ACSM1: variants seen among roughly 807,000 people sequenced by gnomAD.
The protein encoded by ACSM1 is acyl-CoA synthetase medium chain family member 1, also known as acyl-coenzyme A synthetase ACSM1, mitochondrial.
ACSM1 carries 79 observed loss-of-function variants against 75.8 expected under a neutral mutation model. The observed-to-expected ratio is 1.04, with a 90% CI of 0.87 to 1.26. The LOEUF (loss-of-function observed/expected upper bound fraction) is 1.26, where lower values mean the gene tolerates loss of function less well. ACSM1 is among the 50% of genes most tolerant of loss of function. The pLI, the probability that ACSM1 is intolerant of heterozygous loss-of-function variation, is 0.00. For synonymous variants in ACSM1, 279 were observed against 265.8 expected (o/e 1.05, Z -0.48); for missense variants, 676 against 720.1 (o/e 0.94, Z 0.70).
intron 7 of ACSM1, among the ~76,000 whole-genome samples, chr16:20,649,611 AC>A (rs1443273897): frequency 3.3e-5 from 5 of 152,192 alleles, no homozygotes; most frequent in Non-Finnish European, 7.3e-5. Context: ...CTTGGTCTCC[AC>A]AAACCTTTAT....
At chr16:20,630,391 T>C (rs1433585254) in intron 10 of ACSM1, among the ~76,000 whole-genome samples, 1 of 152,084 alleles carries the variant, frequency 6.6e-6, no homozygotes, top group Non-Finnish European at 1.5e-5. Context: ...CCGGTCAAAA[T>C]AAAGTTTAAG....
At chr16:20,669,740 G>C in intron 6 of ACSM1, 87 bp downstream of exon 6, 1 of 1,396,394 alleles carries the variant, frequency 7.2e-7, no homozygotes, top group Non-Finnish European at 9.9e-7. Context: ...GGGCTTCTTT[G>C]CTTAATAAAA....
chr16:20,636,754 G>A lies in ACSM1; in HGVS notation c.1284C>T (p.Leu428=). 1 of 1,614,032 alleles carries A rather than the reference G, an allele frequency of 6.2e-7. No individual in the cohort carries two copies. The highest frequency in any genetic ancestry group is 8.5e-7 in the Non-Finnish European group (1 of 1,179,916). ...GGGTCATTACCTCATAGCACATGAA[G>A]AGGCTCACAGGCCTGACAGGTTTGA... ...IRIKPVRPVS[L]FMCYEGDPEK... is the part of the protein sequence containing the mutation. The change falls in exon 10 of 14, where the codon CTC becomes CTT. Residue 428 remains leucine, a synonymous_variant. Coordinates refer to ENST00000520010, the MANE Select transcript of ACSM1 (RefSeq NM_001318890.3).
chr16:20,631,517 C>T (rs2017345132), intron 10 of ACSM1, among the ~76,000 whole-genome samples: 1 of 152,108 alleles, frequency 6.6e-6, no homozygotes, highest in Non-Finnish European at 1.5e-5. Flanking sequence ...CCCACTACTG[C>T]GTATCTACCC....
At chr16:20,675,360 G>A (rs1010225297) in intron 4 of ACSM1, among the ~76,000 whole-genome samples, 2 of 152,166 alleles carry the variant, frequency 1.3e-5, no homozygotes, top group African/African-American at 4.8e-5. Context: ...GCTCCCAGGC[G>A]AGTGTGGGGG....
At position 20,625,513 on chromosome 16, in the gene ACSM1, G is replaced by A. The variant is rs138999552; in HGVS notation, c.1437C>T (p.Ile479=). ...AAGCGCTTTCAACCTCTGCAGGCCCGATGCGATACCTGGAGGATGAAGGGT... is the reference window on the plus strand; with the variant it reads ...AAGCGCTTTCAACCTCTGCAGGCCCAATGCGATACCTGGAGGATGAAGGGT... ...DDIINASGYR[I]GPAEVESALV... Residue 479 remains isoleucine, a synonymous_variant, in exon 12 of 14, where the codon ATC becomes ATT. Coordinates refer to ENST00000520010, the MANE Select transcript of ACSM1 (RefSeq NM_001318890.3). The A allele has an allele frequency of 1.9e-5, 31 of 1,613,818 alleles. No homozygotes were observed. Among genetic ancestry groups the A allele is most frequent in the African/African-American group, 1.2e-4 (9 of 74,934 alleles).
intron 10 of ACSM1, among the ~76,000 whole-genome samples, chr16:20,635,633 T>G (rs574729247): frequency 3.3e-4 from 40 of 122,858 alleles, no homozygotes; most frequent in Admixed American, 3.1e-3. Context: ...TCTTTCTTTC[T>G]TTCTTTCTTT....
At chr16:20,693,225 T>C (rs2152342015) in intron 1 of ACSM1, among the ~76,000 whole-genome samples, 1 of 152,172 alleles carries the variant, frequency 6.6e-6, no homozygotes, top group South Asian at 2.1e-4. Flanking sequence ...CACTGCACTT[T>C]CCAATGGACT....
chr16:20,676,298 A>C (rs1488725992), intron 4 of ACSM1: 3 of 152,284 alleles, frequency 2.0e-5, no homozygotes, highest in Non-Finnish European at 4.4e-5. Flanking sequence ...AAAAGTGCCA[A>C]GAAGCCCTTC....
intron 10 of ACSM1, among the ~76,000 whole-genome samples, chr16:20,634,113 C>G (rs907824456): frequency 1.3e-5 from 2 of 152,108 alleles, no homozygotes; most frequent in Admixed American, 6.5e-5. Flanking sequence ...GGTGCCAAAA[C>G]CATTCCATGG....
chr16:20,670,444 C>T (rs2019834254), intron 5 of ACSM1, among the ~76,000 whole-genome samples: 1 of 152,214 alleles, frequency 6.6e-6, no homozygotes, highest in African/African-American at 2.4e-5. Context: ...TTTAACTGGT[C>T]TTCCCTAACT....
chr16:20,627,877 T>C (rs2645265), intron 10 of ACSM1, among the ~76,000 whole-genome samples: 125 of 9,272 alleles, frequency 0.013, 2 homozygotes, highest in East Asian at 0.03. Flanking sequence ...TACATATATA[T>C]ATATATATAT....
intron 7 of ACSM1, among the ~76,000 whole-genome samples, chr16:20,657,769 C>T (rs2019062479): frequency 6.6e-6 from 1 of 151,452 alleles, no homozygotes; most frequent in East Asian, 1.9e-4. Flanking sequence ...CCCGCCACCC[C>T]ACAACAGGCT....
At chr16:20,679,850 C>A (rs1299294457) in intron 4 of ACSM1, 1 of 152,104 alleles carries the variant, frequency 6.6e-6, no homozygotes, top group Non-Finnish European at 1.5e-5. Context: ...CATATTAAAT[C>A]AGAGGGAGAA....
At chr16:20,697,031 T>C (rs1184386479) in intron 1 of ACSM1, among the ~76,000 whole-genome samples, 1 of 152,166 alleles carries the variant, frequency 6.6e-6, no homozygotes, top group Non-Finnish European at 1.5e-5. Flanking sequence ...TCAATAAATG[T>C]TGAGGTACCT....
At chr16:20,640,700 C>T in intron 7 of ACSM1, 116 bp from the exon 8 acceptor site, 1 of 1,503,878 alleles carries the variant, frequency 6.6e-7, no homozygotes, top group Non-Finnish European at 8.9e-7. Context: ...TTCTTATTTA[C>T]TTTTTGGTCA....
chr16:20,627,923 T>TATATATATATA (rs2017088554), intron 10 of ACSM1, among the ~76,000 whole-genome samples: 1 of 108,374 alleles, frequency 9.2e-6, no homozygotes, highest in Non-Finnish European at 1.9e-5. Flanking sequence ...TATATATATA[T>TATATATATATA]TCATTTTGTG....
At chr16:20,635,759 C>G (rs961641585) in intron 10 of ACSM1, among the ~76,000 whole-genome samples, 2 of 152,060 alleles carry the variant, frequency 1.3e-5, no homozygotes, top group Non-Finnish European at 2.9e-5. Flanking sequence ...CCTGCCTCAG[C>G]TTCCCAAGTA....
chr16:20,624,267 T>C, intron 12 of ACSM1, 52 bp from the exon 13 acceptor site: 1 of 1,537,244 alleles, frequency 6.5e-7, no homozygotes, highest in Non-Finnish European at 8.8e-7. Context: ...CTCCATAGCT[T>C]AAAAAGTCAA....
Sources: gnomAD v4.1 joint callset for allele counts (sites outside exome capture counted in the v4.1 genomes callset) on GRCh38, gnomAD v4.1.1 for gene constraint, MANE v1.5 for transcripts, NCBI Gene and HGNC (gene_info 2026-07-23, HGNC 2026-07-21) for gene names.